Variants in ARL8B observed in about 807,000 individuals in gnomAD.
ARL8B encodes ADP-ribosylation factor-like protein 8B.
In ARL8B, 9 loss-of-function variants were observed where a neutral mutation model predicts 30.6. That is an observed-to-expected ratio of 0.29 (90% CI 0.18 to 0.51). The LOEUF (loss-of-function observed/expected upper bound fraction) is 0.51. Among genes scored for constraint, ARL8B ranks in the 20% least tolerant of loss-of-function variants. The pLI is 0.97. For synonymous variants in ARL8B, 74 were observed against 76.0 expected, an observed-to-expected ratio of 0.97 and a Z score of 0.14; for missense variants, 130 against 227.2, an observed-to-expected ratio of 0.57 and a Z score of 2.75.
intron 1 of ARL8B, among the ~76,000 whole-genome samples, chr3:5,133,865 C>T (rs543473013): frequency 2.3e-4 from 35 of 152,228 alleles, no homozygotes; most frequent in Admixed American, 8.5e-4. Context: ...GGCTTGAGTC[C>T]AGGAGGCTGC....
chr3:5,133,010 TATGTC>T (rs1398209031), intron 1 of ARL8B, among the ~76,000 whole-genome samples: 2 of 152,098 alleles, frequency 1.3e-5, no homozygotes, highest in Non-Finnish European at 2.9e-5. Flanking sequence ...ATTCAACAAA[TATGTC>T]AAGCAGTGTT....
At chr3:5,157,413 C>A (rs776616730) in intron 1 of ARL8B, among the ~76,000 whole-genome samples, 1 of 152,174 alleles carries the variant, frequency 6.6e-6, no homozygotes, top group Non-Finnish European at 1.5e-5. Context: ...AAGCTTGAGG[C>A]TCCTGCCTTT....
At chr3:5,159,260 A>G (rs1024528152) in intron 1 of ARL8B, among the ~76,000 whole-genome samples, 5 of 135,714 alleles carry the variant, frequency 3.7e-5, no homozygotes, top group African/African-American at 8.5e-5. Flanking sequence ...CGATCGCATC[A>G]GTGTACTCCA....
intron 4 of ARL8B, among the ~76,000 whole-genome samples, chr3:5,173,484 C>T (rs1383647262): frequency 3.3e-5 from 5 of 152,162 alleles, no homozygotes; most frequent in African/African-American, 9.7e-5. Flanking sequence ...TGCCTGTAAT[C>T]CCAGCACTTT....
At chr3:5,125,089 G>C (rs76343990) in intron 1 of ARL8B, among the ~76,000 whole-genome samples, 4,022 of 152,238 alleles carry the variant, frequency 0.026, 162 homozygotes, top group African/African-American at 0.092. Flanking sequence ...CCCTGGATTT[G>C]AAATCTGGCT....
At chr3:5,178,621 G>C (rs1263449346) in intron 6 of ARL8B, 43 bp from the exon 7 acceptor site, 1 of 1,573,458 alleles carries the variant, frequency 6.4e-7, no homozygotes, top group East Asian at 2.3e-5. Context: ...TTGATGTTTA[G>C]TTTTTTAACT....
intron 4 of ARL8B, 42 bp downstream of exon 4, chr3:5,172,782 A>G (rs920007323): frequency 2.6e-6 from 3 of 1,161,302 alleles, no homozygotes; most frequent in Non-Finnish European, 3.8e-6. Context: ...TAATTATATA[A>G]TGATATTAAT....
At chr3:5,159,790 T>C (rs951466456) in intron 1 of ARL8B, among the ~76,000 whole-genome samples, 2 of 152,072 alleles carry the variant, frequency 1.3e-5, no homozygotes, top group African/African-American at 2.4e-5. Flanking sequence ...GCAGCATTTG[T>C]ACTCATAGAA....
At chr3:5,146,723 A>T (rs1419184151) in intron 1 of ARL8B, among the ~76,000 whole-genome samples, 1 of 152,166 alleles carries the variant, frequency 6.6e-6, no homozygotes, top group Non-Finnish European at 1.5e-5. Context: ...TGCTTTGGGA[A>T]CATATAAGAG....
At chr3:5,159,374 G>A (rs1427956546) in intron 1 of ARL8B, among the ~76,000 whole-genome samples, 1 of 151,074 alleles carries the variant, frequency 6.6e-6, no homozygotes, top group Admixed American at 6.6e-5. Context: ...AGGCCGAGGT[G>A]GGTGGATCAC....
intron 1 of ARL8B, among the ~76,000 whole-genome samples, chr3:5,144,209 A>G (rs1263098375): frequency 6.6e-6 from 1 of 152,200 alleles, no homozygotes; most frequent in Non-Finnish European, 1.5e-5. Context: ...CCACATTCCC[A>G]GCAGTGGCTG....
rs369999593 is a variant in ARL8B at position 5,174,444 on chromosome 3, A to G, written c.511+30A>G. 9.4e-5 allele frequency: 131 copies of G among 1,389,380 alleles called. No individual in the cohort carries two copies. Among genetic ancestry groups the G allele is most frequent in the Admixed American group, 3.7e-4 (22 of 59,186 alleles). The allele number at this position is 1,389,380 out of a possible 1,614,324, so 86.1% of individuals were successfully genotyped here. The stretch of plus-strand genomic sequence containing the variant: ...GAAATGACTGGTAATTTTGGAAGAA[A>G]TGGGTATCATTGGAAGGAATGTCTA... On this transcript the variant is annotated intron_variant, in intron 6 of 6. Coordinates refer to ENST00000256496, the MANE Select transcript of ARL8B (RefSeq NM_018184.3).
rs545434734 is a variant in ARL8B, at chr3:5,135,287, TTTTA to T, written c.123+12711_123+12714del. On this transcript the variant is annotated intron_variant, in intron 1 of 6. Transcript: ENST00000256496. Reference sequence around the variant, plus strand: ...TTAATTAATGAAACACATCTGATCTTTTTATTTATTTATTTTTTTTTGAGACAGT... The same window carrying T: ...TTAATTAATGAAACACATCTGATCTTTTTATTTATTTTTTTTTGAGACAGT... 1.4e-3 allele frequency among the ~76,000 whole-genome samples: 197 copies of T among 137,362 alleles called. 2 individuals are homozygous for T. Among genetic ancestry groups the T allele is most frequent in the South Asian group, 4.3e-3 (19 of 4,382 alleles). The allele number at this position is 137,362 out of a possible 152,430, so 90.1% of individuals were successfully genotyped here.
intron 1 of ARL8B, among the ~76,000 whole-genome samples, chr3:5,132,063 T>A (rs185316256): frequency 6.6e-6 from 1 of 152,182 alleles, no homozygotes; most frequent in East Asian, 1.9e-4. Flanking sequence ...AAAAAATTTG[T>A]TTTTTTGTAG....
intron 1 of ARL8B, among the ~76,000 whole-genome samples, chr3:5,165,155 G>C (rs1309534810): frequency 6.6e-6 from 1 of 152,134 alleles, no homozygotes; most frequent in African/African-American, 2.4e-5. Flanking sequence ...TGATCAGTTT[G>C]TGGGGATACA....
chr3:5,143,891 C>T (rs993614659), intron 1 of ARL8B, among the ~76,000 whole-genome samples: 1 of 152,166 alleles, frequency 6.6e-6, no homozygotes, highest in East Asian at 1.9e-4. Context: ...CATATAATAA[C>T]TCGTAGGGGG....
At chr3:5,163,908 A>G (rs2054602953) in intron 1 of ARL8B, among the ~76,000 whole-genome samples, 2 of 152,228 alleles carry the variant, frequency 1.3e-5, no homozygotes. Flanking sequence ...AGGGAATATC[A>G]TATTTGAATA....
At chr3:5,140,656 G>T (rs2054365460) in intron 1 of ARL8B, among the ~76,000 whole-genome samples, 1 of 151,980 alleles carries the variant, frequency 6.6e-6, no homozygotes, top group Admixed American at 6.6e-5. Flanking sequence ...TAGGGGTACA[G>T]TCCATAAGGA....
At chr3:5,172,561 C>A in intron 3 of ARL8B, 86 bp from the exon 4 acceptor site, 1 of 926,770 alleles carries the variant, frequency 1.1e-6, no homozygotes, top group Non-Finnish European at 1.7e-6. Context: ...TAATGTAAAT[C>A]TTACAAAAAT....
Sources: gnomAD v4.1 joint callset for allele counts (sites outside exome capture counted in the v4.1 genomes callset) on GRCh38, gnomAD v4.1.1 for gene constraint, MANE v1.5 for transcripts, NCBI Gene and HGNC (gene_info 2026-07-23, HGNC 2026-07-21) for gene names.